The following GRK3 variants were observed in gnomAD, a reference collection of about 807,000 sequenced individuals.
GRK3 encodes G protein-coupled receptor kinase 3, also known as adrenergic, beta, receptor kinase 2.
A neutral mutation model predicts 95.7 loss-of-function variants in GRK3; 54 were observed. That is an observed-to-expected ratio of 0.56 (90% CI 0.45 to 0.71). The LOEUF (loss-of-function observed/expected upper bound fraction) is 0.71. GRK3 is among the 30% of genes least tolerant of loss of function. GRK3 has a pLI of 0.00. For synonymous variants in GRK3, 281 were observed against 290.8 expected (o/e 0.97, Z 0.34); for missense variants, 649 against 851.2 (o/e 0.76, Z 2.96).
chr22:25,610,426 C>T (rs1352243172), intron 2 of GRK3, among the ~76,000 whole-genome samples: 1 of 152,134 alleles, frequency 6.6e-6, no homozygotes, highest in Non-Finnish European at 1.5e-5. Flanking sequence ...GTGATCGCAT[C>T]ACGGCTGTCC....
intron 1 of GRK3, among the ~76,000 whole-genome samples, chr22:25,589,812 G>A (rs556207325): frequency 4.6e-5 from 7 of 152,320 alleles, no homozygotes; most frequent in Non-Finnish European, 7.4e-5. Context: ...AGTTCCACAT[G>A]GCTGGGGAGG....
intron 3 of GRK3, among the ~76,000 whole-genome samples, chr22:25,646,199 A>G (rs1248903678): frequency 2.0e-5 from 3 of 152,242 alleles, no homozygotes; most frequent in Admixed American, 1.3e-4. Context: ...CAGGTGAGTC[A>G]GATATTGGAG....
chr22:25,629,336 G>A lies in GRK3; in HGVS notation c.191-15256G>A, dbSNP rs116675512. On this transcript the variant is annotated intron_variant, in intron 2 of 20. Transcript: ENST00000324198. ...GGGGATTGGTGAAGAGAGGGTGGCT[G>A]CCGAGATGGAAGGAGTCCATGTGCA... Among the ~76,000 whole-genome samples the A allele has an allele frequency of 7.0e-3, 1,065 of 152,282 alleles. 14 individuals carry two copies. The highest frequency in any genetic ancestry group is 0.024 in the African/African-American group (1,008 of 41,550).
intron 13 of GRK3, chr22:25,702,732 A>G: frequency 2.2e-6 from 1 of 447,962 alleles, no homozygotes; most frequent in South Asian, 1.6e-5. Context: ...TGGTTACTGT[A>G]TTAGGTACCT....
At chr22:25,641,519 C>G (rs977551275) in intron 2 of GRK3, among the ~76,000 whole-genome samples, 1 of 152,120 alleles carries the variant, frequency 6.6e-6, no homozygotes, top group African/African-American at 2.4e-5. Flanking sequence ...AGTAAAGAAG[C>G]AAATATAAAC....
intron 1 of GRK3, among the ~76,000 whole-genome samples, chr22:25,597,137 T>C (rs2084378006): frequency 6.6e-6 from 1 of 152,230 alleles, no homozygotes; most frequent in South Asian, 2.1e-4. Context: ...AATTAGGGTC[T>C]CATGCTCTGT....
intron 1 of GRK3, among the ~76,000 whole-genome samples, chr22:25,591,581 G>A (rs185667193): frequency 2.0e-5 from 3 of 152,072 alleles, no homozygotes; most frequent in Non-Finnish European, 4.4e-5. Flanking sequence ...CTCAGGTATG[G>A]TTGAAAAGGG....
rs539914042 is a variant in GRK3, at chr22:25,593,780, T to G, written c.114-10597T>G. Among the ~76,000 whole-genome samples, 817 of 152,268 alleles carry G rather than the reference T, an allele frequency of 5.4e-3. 5 individuals are homozygous for G. Among genetic ancestry groups the G allele is most frequent in the African/African-American group, 0.019 (781 of 41,552 alleles). ...TTTGCATTTTTTGAGGACTTTTTTGTATATGGTAAAAGGTAGGGATCCAGT... is the reference window on the plus strand; with the variant it reads ...TTTGCATTTTTTGAGGACTTTTTTGGATATGGTAAAAGGTAGGGATCCAGT... On this transcript the variant is annotated intron_variant, in intron 1 of 20. Coordinates refer to ENST00000324198, the MANE Select transcript of GRK3 (RefSeq NM_005160.4).
intron 3 of GRK3, among the ~76,000 whole-genome samples, chr22:25,651,133 C>T (rs1369256951): frequency 5.9e-5 from 9 of 152,108 alleles, no homozygotes; most frequent in African/African-American, 2.2e-4. Context: ...CAAAATAAAA[C>T]TATTTTTAAG....
intron 2 of GRK3, among the ~76,000 whole-genome samples, chr22:25,622,660 A>C (rs2084595497): frequency 6.6e-6 from 1 of 152,210 alleles, no homozygotes; most frequent in Non-Finnish European, 1.5e-5. Flanking sequence ...AGATCATTCT[A>C]GCCTCTTTAT....
chr22:25,579,705 C>T (rs950336422), intron 1 of GRK3, among the ~76,000 whole-genome samples: 14 of 151,918 alleles, frequency 9.2e-5, no homozygotes, highest in Admixed American at 8.5e-4. Context: ...ATCTCCTGAC[C>T]TCGTGATCTG....
intron 2 of GRK3, among the ~76,000 whole-genome samples, chr22:25,620,898 G>C (rs1479865314): frequency 6.6e-6 from 1 of 152,184 alleles, no homozygotes; most frequent in Non-Finnish European, 1.5e-5. Context: ...TTAATAAAGG[G>C]GTTAACGAAT....
intron 8 of GRK3, among the ~76,000 whole-genome samples, chr22:25,677,381 A>G (rs2146420771): frequency 6.7e-6 from 1 of 149,084 alleles, no homozygotes; most frequent in South Asian, 2.1e-4. Flanking sequence ...ATATCTTAAA[A>G]AAAAAAAAAA....
intron 15 of GRK3, among the ~76,000 whole-genome samples, chr22:25,706,462 C>G (rs1360719307): frequency 6.6e-6 from 1 of 151,994 alleles, no homozygotes; most frequent in African/African-American, 2.4e-5. Flanking sequence ...GTGTCAGCAC[C>G]CCCTCTTGTC....
rs1263691950 is a variant in GRK3 at position 25,726,919 on chromosome 22, G to GTA, written c.*4470_*4471insAT. The GTA allele has an allele frequency of 7.9e-6, 1 of 127,012 alleles. No individual in the cohort carries two copies. Among genetic ancestry groups the GTA allele is most frequent in the Non-Finnish European group, 1.6e-5 (1 of 63,044 alleles). 7.9% of individuals were successfully genotyped at this position (127,012 alleles called of 1,614,324 possible). A position where few individuals can be genotyped will look rare whatever the true frequency, so the allele number is the denominator to read the frequency against. On this transcript the variant is annotated 3_prime_UTR_variant, in exon 21 of 21. Coordinates refer to ENST00000324198, the MANE Select transcript of GRK3 (RefSeq NM_005160.4). ...GCCATCTCCAAAACACCCCGTGTGT[G>GTA]TGTGTGTGTGTGTGTGTGTGTGTGT...
chr22:25,597,867 C>A (rs1304871786), intron 1 of GRK3, among the ~76,000 whole-genome samples: 1 of 152,118 alleles, frequency 6.6e-6, no homozygotes, highest in South Asian at 2.1e-4. Flanking sequence ...GGATCCTATA[C>A]CCAATAACAA....
intron 1 of GRK3, among the ~76,000 whole-genome samples, chr22:25,581,916 A>T (rs1393367455): frequency 6.6e-6 from 1 of 152,186 alleles, no homozygotes; most frequent in Non-Finnish European, 1.5e-5. Flanking sequence ...AAATTATGTT[A>T]ACAGCTTTCT....
intron 12 of GRK3, among the ~76,000 whole-genome samples, chr22:25,692,740 G>A (rs2085175009): frequency 6.6e-6 from 1 of 152,226 alleles, no homozygotes; most frequent in African/African-American, 2.4e-5. Context: ...TAAGTAACTT[G>A]AACCAGGTCA....
chr22:25,587,228 C>T (rs865936707), intron 1 of GRK3, among the ~76,000 whole-genome samples: 12 of 152,102 alleles, frequency 7.9e-5, no homozygotes, highest in Middle Eastern at 3.4e-3. Context: ...TTACATGGTC[C>T]GATTTATATT....
Sources: gnomAD v4.1 joint callset for allele counts (sites outside exome capture counted in the v4.1 genomes callset) on GRCh38, gnomAD v4.1.1 for gene constraint, MANE v1.5 for transcripts, NCBI Gene and HGNC (gene_info 2026-07-23, HGNC 2026-07-21) for gene names.